The following MACROD2 variants were observed in gnomAD, a reference collection of about 807,000 sequenced individuals.
MACROD2 encodes the protein mono-ADP ribosylhydrolase 2, also known as ADP-ribose glycohydrolase MACROD2.
A neutral mutation model predicts 70.4 loss-of-function variants in MACROD2; 36 were observed. The observed-to-expected ratio is 0.51, with a 90% CI of 0.39 to 0.68. The LOEUF (loss-of-function observed/expected upper bound fraction) is 0.68. Among genes scored for constraint, MACROD2 ranks in the 30% least tolerant of loss-of-function variants. MACROD2 has a pLI of 0.00. For missense variants in MACROD2, 496 were observed against 538.4 expected (o/e 0.92, Z 0.78); for synonymous variants, 172 against 178.8 (o/e 0.96, Z 0.30).
chr20:15,885,905 GAT>G, intron 10 of MACROD2, 94 bp downstream of exon 10: 1 of 1,289,822 alleles, frequency 7.8e-7, no homozygotes, highest in Non-Finnish European at 1.0e-6. Flanking sequence ...GACAAAATAA[GAT>G]TAATAAAATA....
At chr20:15,404,068 A>T (rs1408436943) in intron 6 of MACROD2, among the ~76,000 whole-genome samples, 1 of 152,108 alleles carries the variant, frequency 6.6e-6, no homozygotes, top group African/African-American at 2.4e-5. Flanking sequence ...ATTTACAGAG[A>T]TCCAACCCAT....
chr20:14,008,084 C>A (rs907547588), intron 2 of MACROD2, among the ~76,000 whole-genome samples: 6 of 152,162 alleles, frequency 3.9e-5, no homozygotes, highest in Non-Finnish European at 7.4e-5. Flanking sequence ...GCCTCTCTCA[C>A]CACTCCTATT....
chr20:14,510,605 G>T (rs747349557), intron 4 of MACROD2, among the ~76,000 whole-genome samples: 5 of 151,994 alleles, frequency 3.3e-5, no homozygotes, highest in Non-Finnish European at 5.9e-5. Context: ...CTTGTCTCAG[G>T]AGAACTCATA....
intron 8 of MACROD2, among the ~76,000 whole-genome samples, chr20:15,504,348 G>A (rs1600505450): frequency 6.6e-6 from 1 of 152,016 alleles, no homozygotes; most frequent in Non-Finnish European, 1.5e-5. Context: ...TCTAGCAGAA[G>A]AGCTAAAGCA....
At chr20:14,448,842 A>T (rs1413729023) in intron 3 of MACROD2, among the ~76,000 whole-genome samples, 1 of 152,118 alleles carries the variant, frequency 6.6e-6, no homozygotes, top group African/African-American at 2.4e-5. Context: ...TTCTAATATC[A>T]CTAATTTTTA....
chr20:15,778,982 A>C (rs1416128284), intron 8 of MACROD2, among the ~76,000 whole-genome samples: 1 of 152,138 alleles, frequency 6.6e-6, no homozygotes, highest in Non-Finnish European at 1.5e-5. Context: ...TGTGAGTAAA[A>C]GAAAAAAATG....
At chr20:14,173,987 T>C (rs2081243657) in intron 3 of MACROD2, among the ~76,000 whole-genome samples, 1 of 152,184 alleles carries the variant, frequency 6.6e-6, no homozygotes, top group South Asian at 2.1e-4. Context: ...TTCAGGTTTC[T>C]CAACCATGGA....
At chr20:14,437,848 A>G (rs1055860186) in intron 3 of MACROD2, among the ~76,000 whole-genome samples, 1 of 152,204 alleles carries the variant, frequency 6.6e-6, no homozygotes, top group Non-Finnish European at 1.5e-5. Flanking sequence ...TATTTAAGAT[A>G]CAAAACATTA....
intron 5 of MACROD2, among the ~76,000 whole-genome samples, chr20:14,917,343 T>C (rs2074104702): frequency 6.6e-6 from 1 of 152,064 alleles, no homozygotes; most frequent in African/African-American, 2.4e-5. Context: ...GTTAACTCTT[T>C]GAAACCACTG....
intron 10 of MACROD2, among the ~76,000 whole-genome samples, chr20:15,929,094 G>A (rs985155776): frequency 2.0e-5 from 3 of 152,124 alleles, no homozygotes; most frequent in African/African-American, 4.8e-5. Context: ...ATGCTCACAG[G>A]TCTGTAAGAT....
intron 1 of MACROD2, chr20:13,996,299 C>T (rs948267021): frequency 5.8e-6 from 1 of 171,916 alleles, no homozygotes; most frequent in Non-Finnish European, 1.2e-5. Flanking sequence ...CCCCAGCCCC[C>T]GAATGGCAAA....
intron 8 of MACROD2, among the ~76,000 whole-genome samples, chr20:15,771,223 G>C (rs2051619671): frequency 6.6e-6 from 1 of 151,990 alleles, no homozygotes; most frequent in Admixed American, 6.5e-5. Flanking sequence ...TACCCAGGCT[G>C]GTGTACAGTG....
intron 6 of MACROD2, among the ~76,000 whole-genome samples, chr20:15,324,094 T>TA (rs1046501806): frequency 2.4e-4 from 37 of 152,280 alleles, no homozygotes; most frequent in African/African-American, 8.4e-4. Context: ...CATTTTTTTT[T>TA]AATTTTAGTT....
At chr20:14,751,402 G>A (rs187168925) in intron 5 of MACROD2, among the ~76,000 whole-genome samples, 1 of 151,742 alleles carries the variant, frequency 6.6e-6, no homozygotes, top group Admixed American at 6.6e-5. Flanking sequence ...TCAAATCCAT[G>A]TGCTTCTTCC....
chr20:16,002,518 CAGAGG>C (rs2147507364), intron 15 of MACROD2, among the ~76,000 whole-genome samples: 1 of 152,182 alleles, frequency 6.6e-6, no homozygotes, highest in Non-Finnish European at 1.5e-5. Flanking sequence ...TTGGTAGAGG[CAGAGG>C]AGAGACCACA....
intron 6 of MACROD2, among the ~76,000 whole-genome samples, chr20:15,328,876 GTATAATAGTA>G (rs1318152169): frequency 6.6e-6 from 1 of 151,868 alleles, no homozygotes. Context: ...ATTTACCAAA[GTATAATAGTA>G]TATAATAGTG....
intron 5 of MACROD2, among the ~76,000 whole-genome samples, chr20:14,815,315 C>T (rs547133950): frequency 6.6e-5 from 10 of 151,986 alleles, no homozygotes; most frequent in Admixed American, 1.3e-4. Flanking sequence ...GTGAATCTTT[C>T]GGAAAGAAAA....
chr20:14,775,629 G>A (rs1279256641), intron 5 of MACROD2, among the ~76,000 whole-genome samples: 1 of 151,846 alleles, frequency 6.6e-6, no homozygotes, highest in Non-Finnish European at 1.5e-5. Context: ...TCAACACTGG[G>A]GGTCACATTT....
At chr20:15,881,211 C>T (rs1376848888) in intron 9 of MACROD2, among the ~76,000 whole-genome samples, 2 of 152,022 alleles carry the variant, frequency 1.3e-5, no homozygotes, top group African/African-American at 2.4e-5. Context: ...TTGCCCACTG[C>T]ACAGATAAAA....
Sources: allele counts gnomAD v4.1 joint callset (sites outside exome capture counted in the v4.1 genomes callset), GRCh38; gene constraint gnomAD v4.1.1; transcripts MANE v1.5; gene names NCBI Gene and HGNC (gene_info 2026-07-23, HGNC 2026-07-21).